The following NRXN1 variants were observed in gnomAD, a reference collection of about 807,000 sequenced individuals.
NRXN1 encodes the protein neurexin-1.
NRXN1 carries 39 observed loss-of-function variants against 150.9 expected under a neutral mutation model. The observed-to-expected ratio is 0.26, with a 90% confidence interval of 0.20 to 0.34. NRXN1 has a LOEUF of 0.34. NRXN1 is among the 10% of genes least tolerant of loss of function. The pLI is 1.00. For synonymous variants in NRXN1, 924 were observed against 757.0 expected, an observed-to-expected ratio of 1.22 and a Z score of -3.62; for missense variants, 1,815 against 1,949.9, an observed-to-expected ratio of 0.93 and a Z score of 1.30.
chr2:50,767,252 T>G (rs946830276), intron 5 of NRXN1, among the ~76,000 whole-genome samples: 8 of 152,090 alleles, frequency 5.3e-5, no homozygotes, highest in Admixed American at 5.2e-4. Flanking sequence ...TGTTTTTTAA[T>G]GTACTAATTT....
intron 19 of NRXN1, among the ~76,000 whole-genome samples, chr2:50,070,602 C>T (rs907624184): frequency 7.2e-5 from 11 of 151,866 alleles, no homozygotes; most frequent in Admixed American, 7.2e-4. Flanking sequence ...AACCCCGTCT[C>T]TACTAAAAAT....
chr2:50,759,866 G>A (rs1043841733), intron 5 of NRXN1, among the ~76,000 whole-genome samples: 18 of 137,652 alleles, frequency 1.3e-4, no homozygotes, highest in African/African-American at 3.8e-4. Context: ...GTGTGTGTGT[G>A]TGTGACTTAA....
intron 5 of NRXN1, among the ~76,000 whole-genome samples, chr2:50,799,426 A>G (rs1328250855): frequency 6.6e-6 from 1 of 152,132 alleles, no homozygotes; most frequent in Non-Finnish European, 1.5e-5. Flanking sequence ...GTGTGTGAGA[A>G]CTGTCCAATA....
chr2:50,036,647 G>A (rs1159711619), intron 21 of NRXN1, among the ~76,000 whole-genome samples: 2 of 152,060 alleles, frequency 1.3e-5, no homozygotes, highest in African/African-American at 4.8e-5. Context: ...TTACAAACAT[G>A]GCCAAAATTC....
chr2:51,020,120 A>C (rs1337743382), intron 2 of NRXN1, among the ~76,000 whole-genome samples: 1 of 151,722 alleles, frequency 6.6e-6, no homozygotes, highest in African/African-American at 2.4e-5. Context: ...TTACGTATAT[A>C]GTTCAGTGAA....
At chr2:50,919,355 T>C (rs1315217980) in intron 5 of NRXN1, 1 of 151,792 alleles carries the variant, frequency 6.6e-6, no homozygotes, top group Non-Finnish European at 1.5e-5. Context: ...TCAAAAGGCA[T>C]GTTCTTTTTA....
chr2:49,948,553 G>C (rs1182830687), intron 21 of NRXN1, among the ~76,000 whole-genome samples: 1 of 151,944 alleles, frequency 6.6e-6, no homozygotes, highest in Non-Finnish European at 1.5e-5. Flanking sequence ...TCAATAGATG[G>C]CTTGGCAAAA....
intron 18 of NRXN1, among the ~76,000 whole-genome samples, chr2:50,187,030 A>T (rs186581226): frequency 1.3e-5 from 2 of 152,208 alleles, no homozygotes; most frequent in East Asian, 3.9e-4. Context: ...TTCTAGAGGT[A>T]AGTAAGGTCC....
chr2:50,647,490 C>G (rs1684988589), intron 5 of NRXN1, among the ~76,000 whole-genome samples: 1 of 151,856 alleles, frequency 6.6e-6, no homozygotes, highest in Non-Finnish European at 1.5e-5. Context: ...ATAGAAATAG[C>G]TTACAACATT....
intron 5 of NRXN1, among the ~76,000 whole-genome samples, chr2:50,810,751 G>A (rs1250554474): frequency 6.6e-6 from 1 of 152,174 alleles, no homozygotes; most frequent in Non-Finnish European, 1.5e-5. Context: ...GGAGGACTAG[G>A]CAGGTGGATC....
chr2:50,598,578 GTA>G (rs1199786519), intron 8 of NRXN1, among the ~76,000 whole-genome samples: 7 of 131,808 alleles, frequency 5.3e-5, no homozygotes, highest in South Asian at 4.7e-4. Flanking sequence ...GTGTGTGTGT[GTA>G]TATATATGTA....
intron 18 of NRXN1, among the ~76,000 whole-genome samples, chr2:50,184,827 A>T (rs1357583887): frequency 1.3e-5 from 2 of 152,068 alleles, no homozygotes; most frequent in Admixed American, 6.6e-5. Context: ...ATGTAGGCAC[A>T]CATATTATCG....
chr2:51,003,065 G>A (rs1412006149), intron 2 of NRXN1, among the ~76,000 whole-genome samples: 1 of 151,802 alleles, frequency 6.6e-6, no homozygotes, highest in Non-Finnish European at 1.5e-5. Context: ...GGAGAAATAG[G>A]AGGAAACACT....
intron 17 of NRXN1, among the ~76,000 whole-genome samples, chr2:50,249,884 C>A (rs973790234): frequency 6.6e-6 from 1 of 152,074 alleles, no homozygotes; most frequent in African/African-American, 2.4e-5. Flanking sequence ...GTGATCCGCC[C>A]GTCTTGGCCA....
At chr2:50,708,932 C>G (rs966686363) in intron 5 of NRXN1, among the ~76,000 whole-genome samples, 1 of 152,136 alleles carries the variant, frequency 6.6e-6, no homozygotes, top group Admixed American at 6.6e-5. Flanking sequence ...CAGGAACAAG[C>G]CTGTTGGTGC....
chr2:50,519,832 G>A (rs905844790), intron 12 of NRXN1, among the ~76,000 whole-genome samples: 18 of 151,850 alleles, frequency 1.2e-4, no homozygotes, highest in Non-Finnish European at 2.2e-4. Flanking sequence ...AATTTCCATT[G>A]GTAGACATAT....
chr2:50,235,380 G>T (rs1041649025), intron 18 of NRXN1, among the ~76,000 whole-genome samples: 1 of 151,978 alleles, frequency 6.6e-6, no homozygotes, highest in Non-Finnish European at 1.5e-5. Context: ...CCCCTCTTGA[G>T]AACTACATTT....
At chr2:50,479,629 TA>T (rs1220175557) in intron 15 of NRXN1, among the ~76,000 whole-genome samples, 1 of 35,806 alleles carries the variant, frequency 2.8e-5, no homozygotes, top group East Asian at 7.0e-4. Context: ...TCACATTCAA[TA>T]AATAATCATT....
At chr2:49,993,049 C>A (rs995960353) in intron 21 of NRXN1, among the ~76,000 whole-genome samples, 14 of 152,180 alleles carry the variant, frequency 9.2e-5, no homozygotes, top group Non-Finnish European at 2.1e-4. Context: ...CCAGCAATCA[C>A]TCTGCTTGGT....
Sources: gnomAD v4.1 joint callset for allele counts (sites outside exome capture counted in the v4.1 genomes callset) on GRCh38, gnomAD v4.1.1 for gene constraint, MANE v1.5 for transcripts, NCBI Gene and HGNC (gene_info 2026-07-23, HGNC 2026-07-21) for gene names.